EDAR: variants seen among roughly 807,000 people sequenced by gnomAD.
EDAR encodes ectodysplasin A receptor, also known as tumor necrosis factor receptor superfamily member EDAR.
In EDAR, 38 loss-of-function variants were observed where a neutral mutation model predicts 51.3. That is an observed-to-expected ratio of 0.74 (90% confidence interval 0.57 to 0.97). The LOEUF is 0.97. EDAR is among the 50% of genes least tolerant of loss of function. The probability of loss-of-function intolerance (pLI) is 0.00; values close to 1 mark genes in which losing one functional copy is unlikely to be tolerated. For missense variants in EDAR, 528 were observed against 595.0 expected, an observed-to-expected ratio of 0.89 and a Z score of 1.17; for synonymous variants, 227 against 242.1, an observed-to-expected ratio of 0.94 and a Z score of 0.58.
Position 108,895,487 on chromosome 2 carries a change from TC to T in EDAR, c.*1419del, listed in dbSNP as rs1256315882. On this transcript the variant is annotated 3_prime_UTR_variant, in exon 12 of 12. Transcript: ENST00000258443. The stretch of plus-strand genomic sequence containing the variant: ...AAGAACAATGCCAGTTTATTAACTT[TC>T]TGCCTATAAATGTTATGTCAAACCA... 8 of 152,282 alleles carry T rather than the reference TC, an allele frequency of 5.3e-5. No homozygotes were observed. The highest frequency in any genetic ancestry group is 1.0e-4 in the Non-Finnish European group (7 of 68,042). 9.4% of individuals were successfully genotyped at this position (152,282 alleles called of 1,614,324 possible). A position where few individuals can be genotyped will look rare whatever the true frequency, so the allele number is the denominator to read the frequency against.
chr2:108,958,784 G>C (rs1262351244), intron 1 of EDAR, among the ~76,000 whole-genome samples: 2 of 152,256 alleles, frequency 1.3e-5, no homozygotes, highest in East Asian at 3.8e-4. Context: ...GTTGTGACTG[G>C]ATGTGAATGA....
chr2:108,908,118 A>G (rs1696847615), intron 9 of EDAR, 99 bp from the exon 10 acceptor site: 1 of 1,344,882 alleles, frequency 7.4e-7, no homozygotes, highest in African/African-American at 1.5e-5. Context: ...AGCTGTGGAC[A>G]GTGGGGGGCA....
At chr2:108,902,274 G>T (rs1696715115) in intron 11 of EDAR, among the ~76,000 whole-genome samples, 4 of 152,094 alleles carry the variant, frequency 2.6e-5, no homozygotes, top group Admixed American at 2.0e-4. Flanking sequence ...TACTTGGGAG[G>T]CTGAGGCAAG....
In EDAR at chr2:108,912,835, A is replaced by G. The variant is rs906868276; in HGVS notation, c.443-71T>C. The G allele has an allele frequency of 4.7e-6, 6 of 1,265,414 alleles. 1 individual carries two copies. The South Asian group carries it at 7.6e-5, about 16-fold the overall frequency. The allele number at this position is 1,265,414 out of a possible 1,614,324, so 78.4% of individuals were successfully genotyped here. A position where few individuals can be genotyped will look rare whatever the true frequency, so the allele number is the denominator to read the frequency against. The stretch of plus-strand genomic sequence containing the variant: ...CTTCAAAGACGCTGCCACAGAGCTC[A>G]TGGATCTGGATTCATGATCATGAAT... On this transcript the variant is annotated intron_variant, in intron 5 of 11. Transcript: ENST00000258443.
At chr2:108,934,805 A>G (rs529980028) in intron 1 of EDAR, among the ~76,000 whole-genome samples, 102 of 152,292 alleles carry the variant, frequency 6.7e-4, no homozygotes, top group African/African-American at 2.3e-3. Flanking sequence ...CCACCTTTCA[A>G]ACCTGTTCAC....
intron 9 of EDAR, 119 bp from the exon 10 acceptor site, chr2:108,908,138 T>A: frequency 8.5e-7 from 1 of 1,175,700 alleles, no homozygotes; most frequent in Non-Finnish European, 1.2e-6. Context: ...AATGACTTGT[T>A]TTTCAGGTGT....
intron 4 of EDAR, among the ~76,000 whole-genome samples, chr2:108,926,589 C>T (rs1697259956): frequency 6.6e-6 from 1 of 152,232 alleles, no homozygotes; most frequent in South Asian, 2.1e-4. Flanking sequence ...GGTGGAGCTC[C>T]TCCGGGGTGA....
In EDAR at chr2:108,986,376, A is replaced by T. The variant is rs528654344; in HGVS notation, c.-19+2584T>A. 2.0e-5 allele frequency among the ~76,000 whole-genome samples: 3 copies of T among 152,310 alleles called. No homozygotes were observed. In the South Asian group the frequency reaches 6.2e-4, roughly 32 times the overall value. ...TGACACGACCCTGGGAAACTAAGATACAGGAGGGGGAGTGTTTGCTTACTC... is the reference window on the plus strand; with the variant it reads ...TGACACGACCCTGGGAAACTAAGATTCAGGAGGGGGAGTGTTTGCTTACTC... On this transcript the variant is annotated intron_variant, in intron 1 of 11. Coordinates refer to ENST00000258443, the MANE Select transcript of EDAR (RefSeq NM_022336.4).
At chr2:108,906,765 C>T (rs114243774) in intron 10 of EDAR, among the ~76,000 whole-genome samples, 3,149 of 152,344 alleles carry the variant, frequency 0.021, 104 homozygotes, top group African/African-American at 0.072. Context: ...GCCCACGGTG[C>T]ACAGCTGCTC....
intron 1 of EDAR, among the ~76,000 whole-genome samples, chr2:108,945,210 C>A (rs542836232): frequency 6.6e-6 from 1 of 152,074 alleles, no homozygotes; most frequent in East Asian, 1.9e-4. Context: ...GCGAGCTCCC[C>A]GTCCTGGGGC....
chr2:108,906,305 T>G lies in EDAR; in HGVS notation c.1024+3A>C. 1 of 1,614,118 alleles carries G rather than the reference T, an allele frequency of 6.2e-7. No homozygotes were observed. The highest frequency in any genetic ancestry group is 8.5e-7 in the Non-Finnish European group (1 of 1,180,020). The stretch of plus-strand genomic sequence containing the variant: ...CCTCTCCCAGGCTTTTTTTTCAGCT[T>G]ACCTTCCACGACTCCACACACGTTG... On this transcript the variant is annotated splice_donor_region_variant and intron_variant, in intron 11 of 11. Coordinates refer to ENST00000258443, the MANE Select transcript of EDAR (RefSeq NM_022336.4).
intron 1 of EDAR, among the ~76,000 whole-genome samples, chr2:108,944,562 C>G (rs370820904): frequency 6.6e-6 from 1 of 152,126 alleles, no homozygotes; most frequent in East Asian, 1.9e-4. Context: ...TGATAATGGG[C>G]TCCTTCACAA....
At chr2:108,923,340 G>A (rs144492072) in intron 5 of EDAR, 28 bp downstream of exon 5, 232 of 1,605,328 alleles carry the variant, frequency 1.4e-4, no homozygotes, top group Admixed American at 1.4e-3. Context: ...AACAAATACC[G>A]TGCTGGTGGA....
At chr2:108,898,056 T>A (rs1261317017) in intron 11 of EDAR, among the ~76,000 whole-genome samples, 1 of 152,202 alleles carries the variant, frequency 6.6e-6, no homozygotes, top group Non-Finnish European at 1.5e-5. Flanking sequence ...AAAAGTCTTC[T>A]GTCTCTAGTC....
chr2:108,961,933 A>G (rs1223045396), intron 1 of EDAR, among the ~76,000 whole-genome samples: 2 of 152,226 alleles, frequency 1.3e-5, no homozygotes, highest in Admixed American at 6.5e-5. Flanking sequence ...TATTTGTAAG[A>G]AAAACTCTAG....
At chr2:108,966,977 C>G (rs1436633329) in intron 1 of EDAR, among the ~76,000 whole-genome samples, 2 of 152,232 alleles carry the variant, frequency 1.3e-5, no homozygotes, top group Non-Finnish European at 2.9e-5. Flanking sequence ...CTCTGTTGCC[C>G]AGGCTGGAGT....
At position 108,945,916 on chromosome 2, in the gene EDAR, A is replaced by G. The variant is rs959387113; in HGVS notation, c.-18-14884T>C. On this transcript the variant is annotated intron_variant, in intron 1 of 11. Transcript: ENST00000258443. ...TGCCAGGGGCACATGTTACTTTGTC[A>G]TGAAGATGCCTATTCTATCCTATGC... 7.2e-5 allele frequency among the ~76,000 whole-genome samples: 11 copies of G among 152,230 alleles called. 1 individual carries two copies. Among genetic ancestry groups the G allele is most frequent in the Admixed American group, 1.3e-4 (2 of 15,290 alleles).
chr2:108,970,311 G>A (rs1698213124), intron 1 of EDAR, among the ~76,000 whole-genome samples: 1 of 152,202 alleles, frequency 6.6e-6, no homozygotes, highest in African/African-American at 2.4e-5. Context: ...TTTGGAGTCA[G>A]TGACAGGATG....
In EDAR at chr2:108,985,017, C is replaced by A. The variant is rs535872210; in HGVS notation, c.-19+3943G>T. Among the ~76,000 whole-genome samples the A allele has an allele frequency of 8.8e-4, 134 of 152,154 alleles. 8 individuals are homozygous for A. Among genetic ancestry groups the A allele is most frequent in the Non-Finnish European group, 5.7e-4 (39 of 68,006 alleles). ...CTGAGAGTCGTCAAAACAGTGCATG[C>A]CCTCTCATTTTTTGCTTGCAGTCTG... On this transcript the variant is annotated intron_variant, in intron 1 of 11. Transcript: ENST00000258443.
Sources: gnomAD v4.1 joint callset for allele counts (sites outside exome capture counted in the v4.1 genomes callset) on GRCh38, gnomAD v4.1.1 for gene constraint, MANE v1.5 for transcripts, NCBI Gene and HGNC (gene_info 2026-07-23, HGNC 2026-07-21) for gene names.